PRKN: variants seen among roughly 807,000 people sequenced by gnomAD.
PRKN encodes E3 ubiquitin-protein ligase parkin.
Under a neutral mutation model 59.5 loss-of-function variants are expected in PRKN, and 56 were observed. That is an observed-to-expected ratio of 0.94 (90% CI 0.76 to 1.18). The LOEUF (loss-of-function observed/expected upper bound fraction) is 1.18. PRKN is among the 50% of genes most tolerant of loss of function. The pLI is 0.00. For synonymous variants in PRKN, 250 were observed against 222.1 expected (o/e 1.13, Z -1.12); for missense variants, 657 against 596.4 (o/e 1.10, Z -1.06).
chr6:161,621,467 G>A (rs913474703), intron 7 of PRKN, among the ~76,000 whole-genome samples: 1 of 152,124 alleles, frequency 6.6e-6, no homozygotes. Context: ...AGGGCAGGAG[G>A]AGGAGAGTGT....
At chr6:162,292,056 C>T (rs1487777752) in intron 2 of PRKN, among the ~76,000 whole-genome samples, 2 of 151,528 alleles carry the variant, frequency 1.3e-5, no homozygotes, top group Non-Finnish European at 2.9e-5. Flanking sequence ...CTCTGCCTCC[C>T]ACATTCAAGC....
intron 2 of PRKN, among the ~76,000 whole-genome samples, chr6:162,355,481 G>A (rs751280364): frequency 1.5e-4 from 22 of 151,678 alleles, no homozygotes; most frequent in Non-Finnish European, 1.8e-4. Flanking sequence ...ATTTCTGGGA[G>A]GAGTCAGGAA....
At chr6:162,690,847 T>C (rs1017913228) in intron 1 of PRKN, among the ~76,000 whole-genome samples, 1 of 151,984 alleles carries the variant, frequency 6.6e-6, no homozygotes, top group Non-Finnish European at 1.5e-5. Flanking sequence ...AATTAAAGGA[T>C]CTTTGAAAAA....
intron 7 of PRKN, among the ~76,000 whole-genome samples, chr6:161,631,097 G>A (rs892166130): frequency 6.6e-6 from 1 of 152,168 alleles, no homozygotes; most frequent in Non-Finnish European, 1.5e-5. Context: ...GAGGAAGAGA[G>A]GGTGGGAGCC....
chr6:161,527,366 G>T lies in PRKN; in HGVS notation c.1083+21488C>A, dbSNP rs1392262359. ...GTATGAACTTGGAGCCAGGGCTTTG[G>T]TGTACATTTCTGTAATTTGTGCTTC... is the stretch of plus-strand genomic sequence containing the variant. On this transcript the variant is annotated intron_variant, in intron 9 of 11. Transcript: ENST00000366898. The surrounding 1 kb of genome is among the most constrained non-coding windows in gnomAD (Gnocchi z 4.6). Among the ~76,000 whole-genome samples the T allele has an allele frequency of 2.6e-5, 4 of 152,160 alleles. No homozygotes were observed. The highest frequency in any genetic ancestry group is 5.9e-5 in the Non-Finnish European group (4 of 68,034).
chr6:162,632,412 A>AAAAG (rs1162978594), intron 1 of PRKN, among the ~76,000 whole-genome samples: 1 of 152,194 alleles, frequency 6.6e-6, no homozygotes, highest in African/African-American at 2.4e-5. Flanking sequence ...AGGAACAAAA[A>AAAAG]AAAGAAATAC....
intron 7 of PRKN, among the ~76,000 whole-genome samples, chr6:161,756,445 A>T (rs941775477): frequency 3.8e-5 from 3 of 79,102 alleles, no homozygotes; most frequent in Non-Finnish European, 4.8e-5. Flanking sequence ...TTGTCTCGAA[A>T]AAAAAAAAAA....
At chr6:162,359,015 GTGCTAC>G (rs1785003218) in intron 2 of PRKN, among the ~76,000 whole-genome samples, 1 of 141,300 alleles carries the variant, frequency 7.1e-6, no homozygotes, top group South Asian at 2.2e-4. Flanking sequence ...AGCCGAGATT[GTGCTAC>G]TGCACACCAT....
intron 2 of PRKN, among the ~76,000 whole-genome samples, chr6:162,376,919 G>A (rs769041177): frequency 4.6e-5 from 7 of 151,744 alleles, no homozygotes; most frequent in Non-Finnish European, 1.0e-4. Context: ...AGACCACGAG[G>A]AGAGAGGAGG....
chr6:162,384,882 C>T (rs1371554778), intron 2 of PRKN, among the ~76,000 whole-genome samples: 5 of 152,068 alleles, frequency 3.3e-5, no homozygotes, highest in Non-Finnish European at 7.4e-5. Flanking sequence ...GCATCAGAGG[C>T]AGCATTACAT....
At chr6:162,358,194 A>G (rs907566117) in intron 2 of PRKN, among the ~76,000 whole-genome samples, 11 of 152,182 alleles carry the variant, frequency 7.2e-5, no homozygotes, top group Non-Finnish European at 1.2e-4. Flanking sequence ...TCTTTGTGCA[A>G]CTTTTCTGTA....
intron 1 of PRKN, among the ~76,000 whole-genome samples, chr6:162,487,571 C>T (rs1792604762): frequency 6.6e-6 from 1 of 151,554 alleles, no homozygotes; most frequent in Non-Finnish European, 1.5e-5. Flanking sequence ...CAAAGAATTA[C>T]ATAAAATCTA....
intron 6 of PRKN, among the ~76,000 whole-genome samples, chr6:161,872,961 CT>C (rs112827816): frequency 1.3e-4 from 18 of 139,630 alleles, no homozygotes; most frequent in African/African-American, 2.7e-4. Context: ...ACAGTAATGA[CT>C]TTTTTTTTTT....
Position 161,349,818 on chromosome 6 carries a change from TTGG to T in PRKN, c.*278_*280del. ...GTCATCCGGAGGCTGAGAACGCCTG[TTGG>T]TGGTGTCGCAGATGGCTCTGCTGTC... On this transcript the variant is annotated 3_prime_UTR_variant, in exon 12 of 12. Coordinates refer to ENST00000366898, the MANE Select transcript of PRKN (RefSeq NM_004562.3). The surrounding 1 kb of genome is among the most constrained non-coding windows in gnomAD (Gnocchi z 5.5). 3.8e-6 allele frequency: 2 copies of T among 525,518 alleles called. No homozygotes were observed. Among genetic ancestry groups the T allele is most frequent in the Non-Finnish European group, 7.0e-6 (2 of 287,330 alleles). 32.6% of individuals were successfully genotyped at this position (525,518 alleles called of 1,614,324 possible).
chr6:162,379,886 G>A (rs992664366), intron 2 of PRKN, among the ~76,000 whole-genome samples: 1 of 152,176 alleles, frequency 6.6e-6, no homozygotes, highest in African/African-American at 2.4e-5. Flanking sequence ...TGAGGTAGCT[G>A]ATGAACATGC....
chr6:162,558,408 C>T (rs2128205685), intron 1 of PRKN, among the ~76,000 whole-genome samples: 1 of 150,496 alleles, frequency 6.6e-6, no homozygotes, highest in Middle Eastern at 3.5e-3. Flanking sequence ...CGGCTCACTG[C>T]AACCTCCGCC....
intron 3 of PRKN, among the ~76,000 whole-genome samples, chr6:162,247,829 A>G (rs1049866078): frequency 6.6e-6 from 1 of 152,172 alleles, no homozygotes; most frequent in Non-Finnish European, 1.5e-5. Context: ...CTGCAATCAT[A>G]TTACATTTAC....
intron 3 of PRKN, among the ~76,000 whole-genome samples, chr6:162,212,834 C>T (rs901979591): frequency 2.0e-5 from 3 of 152,126 alleles, no homozygotes; most frequent in Admixed American, 6.6e-5. Flanking sequence ...ATACTGCAGG[C>T]AGTAACTGTA....
At chr6:161,485,453 T>G (rs1327728598) in intron 9 of PRKN, among the ~76,000 whole-genome samples, 1 of 152,200 alleles carries the variant, frequency 6.6e-6, no homozygotes, top group East Asian at 1.9e-4. Context: ...GATTTTCTAA[T>G]CAATGGTAAC....
Sources: allele counts gnomAD v4.1 joint callset (sites outside exome capture counted in the v4.1 genomes callset), GRCh38; gene constraint gnomAD v4.1.1; non-coding constraint Gnocchi (gnomAD v3.1); transcripts MANE v1.5; gene names NCBI Gene and HGNC (gene_info 2026-07-23, HGNC 2026-07-21).